LYZL4: variants seen among roughly 807,000 people sequenced by gnomAD.
LYZL4 encodes lysozyme-like protein 4.
In LYZL4, 13 loss-of-function variants were observed where a neutral mutation model predicts 17.6. The observed-to-expected ratio is 0.74, with a 90% CI of 0.48 to 1.18. LYZL4 has a LOEUF of 1.18. LYZL4 is among the 50% of genes most tolerant of loss of function. The pLI is 0.00. For missense variants in LYZL4, 174 were observed against 188.2 expected (o/e 0.92, Z 0.44); for synonymous variants, 64 against 67.7 (o/e 0.95, Z 0.27).
intron 1 of LYZL4, among the ~76,000 whole-genome samples, chr3:42,409,988 C>T (rs924159917): frequency 6.6e-6 from 1 of 152,194 alleles, no homozygotes; most frequent in Non-Finnish European, 1.5e-5. Context: ...ACCAGCCATT[C>T]CTTCTACCTG....
the LYZL4 span, among the ~76,000 whole-genome samples, chr3:42,374,821 A>G: frequency 1.3e-5 from 2 of 151,950 alleles, no homozygotes; most frequent in East Asian, 3.9e-4. Context: ...ATAGTATTTG[A>G]CTTTTTTTAA....
the LYZL4 span, among the ~76,000 whole-genome samples, chr3:42,370,275 C>G: frequency 6.6e-6 from 1 of 150,724 alleles, no homozygotes; most frequent in Non-Finnish European, 1.5e-5. Context: ...CCCCTTCCCA[C>G]ACAGACACCA....
the LYZL4 span, among the ~76,000 whole-genome samples, chr3:42,391,023 C>T: frequency 2.0e-5 from 3 of 152,100 alleles, no homozygotes; most frequent in South Asian, 2.1e-4. Flanking sequence ...CCAGGTTCTC[C>T]GCTACCGAGA....
intron 4 of LYZL4, among the ~76,000 whole-genome samples, chr3:42,399,279 C>T (rs1698611959): frequency 6.6e-6 from 1 of 152,190 alleles, no homozygotes; most frequent in Non-Finnish European, 1.5e-5. Context: ...CTGGTCTCTC[C>T]AACGTTTAAA....
chr3:42,407,346 G>T lies in LYZL4; in HGVS notation c.-92-3C>A. 1 of 1,522,938 alleles carries T rather than the reference G, an allele frequency of 6.6e-7. No homozygotes were observed. The highest frequency in any genetic ancestry group is 8.9e-7 in the Non-Finnish European group (1 of 1,117,534). 94.3% of individuals were successfully genotyped at this position (1,522,938 alleles called of 1,614,324 possible). A position where few individuals can be genotyped will look rare whatever the true frequency, so the allele number is the denominator to read the frequency against. ...TTCTCTGAAGGGAAAGAAGGGCACT[G>T]TGGGGGTGGGGGTGGAGCACAGTTC... On this transcript the variant is annotated splice_region_variant and splice_polypyrimidine_tract_variant and intron_variant, in intron 1 of 4. Transcript: ENST00000287748.
intron 1 of LYZL4, 100 bp from the exon 2 acceptor site, chr3:42,407,443 G>T: frequency 1.5e-6 from 1 of 685,888 alleles, no homozygotes; most frequent in Non-Finnish European, 2.4e-6. Context: ...TCTCTGCTTC[G>T]TGTCACTGCA....
chr3:42,392,471 GT>G (rs1698493036), downstream of LYZL4, among the ~76,000 whole-genome samples: 1 of 152,216 alleles, frequency 6.6e-6, no homozygotes, highest in Non-Finnish European at 1.5e-5. Flanking sequence ...CTTGATAATG[GT>G]TTTTAAGAAT....
intron 4 of LYZL4, among the ~76,000 whole-genome samples, chr3:42,403,075 T>C (rs1310978944): frequency 2.6e-5 from 4 of 152,140 alleles, no homozygotes; most frequent in African/African-American, 9.7e-5. Flanking sequence ...GCAATAAATA[T>C]ACAAAAATCA....
chr3:42,372,286 T>C, the LYZL4 span, among the ~76,000 whole-genome samples: 2 of 152,238 alleles, frequency 1.3e-5, no homozygotes, highest in Admixed American at 1.3e-4. Context: ...CTCCATTTTC[T>C]CATTTGTCAG....
At chr3:42,373,658 T>C in the LYZL4 span, among the ~76,000 whole-genome samples, 1 of 152,156 alleles carries the variant, frequency 6.6e-6, no homozygotes, top group Admixed American at 6.5e-5. Flanking sequence ...CACTAAGACA[T>C]GCACAATCAG....
At chr3:42,367,852 T>A in the LYZL4 span, among the ~76,000 whole-genome samples, 7 of 152,190 alleles carry the variant, frequency 4.6e-5, no homozygotes, top group Non-Finnish European at 1.0e-4. Context: ...ACATGTTTAT[T>A]ATGTAATATT....
At chr3:42,394,168 G>A (rs1577148632), downstream of LYZL4, among the ~76,000 whole-genome samples, 8 of 152,294 alleles carry the variant, frequency 5.3e-5, 1 homozygote, top group Admixed American at 5.2e-4. Context: ...GATTTATTTT[G>A]TGCAGTTGAG....
At chr3:42,406,792 AAC>A (rs2125603157) in intron 3 of LYZL4, 52 bp downstream of exon 3, 2 of 1,603,436 alleles carry the variant, frequency 1.2e-6, no homozygotes, top group Middle Eastern at 1.7e-4. Context: ...GCAGGCCTCT[AAC>A]ACAGCACCAT....
Position 42,397,292 on chromosome 3 carries a change from T to C in LYZL4, c.414A>G (p.Ala138=). 3.8e-6 allele frequency: 6 copies of C among 1,571,308 alleles called. No individual in the cohort carries two copies. Among genetic ancestry groups the C allele is most frequent in the Non-Finnish European group, 4.3e-6 (5 of 1,157,908 alleles). ...ACAGCTTGCAACCATCCAGCCACCG[T>C]GCCAGGGTATCGGAGTACTGGCAGT... ...SRYCQYSDTL[A]RWLDGCKL Residue 138 remains alanine, a synonymous_variant, in exon 5 of 5, where the codon GCA becomes GCG. Coordinates refer to ENST00000287748, the MANE Select transcript of LYZL4 (RefSeq NM_144634.4).
At chr3:42,387,949 T>C in the LYZL4 span, among the ~76,000 whole-genome samples, 1 of 152,058 alleles carries the variant, frequency 6.6e-6, no homozygotes, top group Non-Finnish European at 1.5e-5. Flanking sequence ...AGCCAAGCAG[T>C]GGTCTTCACC....
At chr3:42,366,145 A>T in the LYZL4 span, among the ~76,000 whole-genome samples, 2 of 151,808 alleles carry the variant, frequency 1.3e-5, no homozygotes, top group African/African-American at 4.8e-5. Context: ...CCACATTGGG[A>T]GGCTGATGGG....
chr3:42,406,986 G>A lies in LYZL4; in HGVS notation c.152C>T (p.Ala51Val), dbSNP rs755162347. ...GYSLENWVCL[A>V]YFESKFNPMA... ...GGGGTTGAACTTGCTCTCGAAGTAG[G>A]CCAGGCACACCCCTAAGATGGAACA... The change falls in exon 3 of 5, where the codon GCC becomes GTC. Residue 51 changes from alanine to valine, a missense_variant. Physicochemically the swap from Ala to Val is moderately conservative, Grantham distance 64. Transcript: ENST00000287748. 3.1e-6 allele frequency: 5 copies of A among 1,614,180 alleles called. No homozygotes were observed. In the South Asian group the frequency reaches 5.5e-5, roughly 18 times the overall value.
In LYZL4 at chr3:42,407,204, T is replaced by G. The variant is rs1339900563; in HGVS notation, c.48A>C (p.Pro16=). The part of the protein sequence containing the change: ...VLSLLGYLVV[P]SGAYILGRCT... ...AACGCCCCAAGATGTAAGCACCACT[T>G]GGAACCACCAGGTAGCCAAGGAGGG... The change falls in exon 2 of 5, where the codon CCA becomes CCC. Residue 16 remains proline (P), a synonymous_variant. Coordinates refer to ENST00000287748, the MANE Select transcript of LYZL4 (RefSeq NM_144634.4). The G allele has an allele frequency of 6.2e-7, 1 of 1,614,052 alleles. No individual in the cohort carries two copies. The highest frequency in any genetic ancestry group is 1.3e-5 in the African/African-American group (1 of 74,914).
chr3:42,383,056 C>T, the LYZL4 span, among the ~76,000 whole-genome samples: 1 of 152,142 alleles, frequency 6.6e-6, no homozygotes, highest in Admixed American at 6.6e-5. Context: ...AGGTGCTTGT[C>T]CCCCACTACT....
Sources: allele counts gnomAD v4.1 joint callset (sites outside exome capture counted in the v4.1 genomes callset), GRCh38; gene constraint gnomAD v4.1.1; transcripts MANE v1.5; gene names NCBI Gene and HGNC (gene_info 2026-07-23, HGNC 2026-07-21).